EXOC6B: variants seen among roughly 807,000 people sequenced by gnomAD.
EXOC6B encodes SEC15 homolog B.
A neutral mutation model predicts 113.5 loss-of-function variants in EXOC6B; 54 were observed. The observed-to-expected ratio is 0.48, with a 90% CI of 0.38 to 0.60. The LOEUF (loss-of-function observed/expected upper bound fraction) is 0.60, where lower values mean the gene tolerates loss of function less well. Among genes scored for constraint, EXOC6B ranks in the 20% least tolerant of loss-of-function variants. The pLI, the probability that EXOC6B is intolerant of heterozygous loss-of-function variation, is 0.00. For synonymous variants in EXOC6B, 357 were observed against 339.0 expected, an observed-to-expected ratio of 1.05 and a Z score of -0.58; for missense variants, 797 against 977.5, an observed-to-expected ratio of 0.82 and a Z score of 2.46.
intron 20 of EXOC6B, among the ~76,000 whole-genome samples, chr2:72,204,120 A>G (rs1679677265): frequency 6.6e-6 from 1 of 152,022 alleles, no homozygotes; most frequent in African/African-American, 2.4e-5. Flanking sequence ...CTCCCCTTTC[A>G]GCCTGTGAGC....
chr2:72,576,666 G>A (rs1356276998), intron 6 of EXOC6B, among the ~76,000 whole-genome samples: 1 of 152,074 alleles, frequency 6.6e-6, no homozygotes, highest in African/African-American at 2.4e-5. Context: ...AGGAAATACT[G>A]CGTCCCATGA....
intron 20 of EXOC6B, among the ~76,000 whole-genome samples, chr2:72,185,336 A>C (rs1264857372): frequency 6.6e-6 from 1 of 152,238 alleles, no homozygotes; most frequent in Admixed American, 6.5e-5. Flanking sequence ...ACCTTCCTCC[A>C]TGTCTGTCTT....
At chr2:72,213,967 G>A (rs62147579) in intron 20 of EXOC6B, among the ~76,000 whole-genome samples, 59,955 of 151,956 alleles carry the variant, frequency 0.39, 14,369 homozygotes, top group African/African-American at 0.67. Flanking sequence ...AAAACAACGG[G>A]AAATTGGTTT....
rs548820390 is a variant in EXOC6B, at chr2:72,319,955, G to T, written c.2196+14992C>A. 1.8e-3 allele frequency among the ~76,000 whole-genome samples: 277 copies of T among 151,978 alleles called. 6 individuals carry two copies. Among genetic ancestry groups the T allele is most frequent in the East Asian group, 6.4e-3 (33 of 5,160 alleles). ...GGTTCCAGCGATTTCCCCTGCCTCA[G>T]CCTCCTGAGTAGCTGGGACAACAGG... On this transcript the variant is annotated intron_variant, in intron 20 of 21. Transcript: ENST00000272427.
chr2:72,422,186 G>A lies in EXOC6B; in HGVS notation c.1981-42316C>T, dbSNP rs559380902. ...CTGCTCCAGGGTGCCCAGTCCCATC[G>A]ACCACCCAAGGGCTGAGGAATGCAA... On this transcript the variant is annotated intron_variant, in intron 18 of 21. Coordinates refer to ENST00000272427, the MANE Select transcript of EXOC6B (RefSeq NM_015189.3). Among the ~76,000 whole-genome samples, 33 of 152,292 alleles carry A rather than the reference G, an allele frequency of 2.2e-4. No individual in the cohort carries two copies. The South Asian group carries it at 4.1e-3, about 19-fold the overall frequency.
chr2:72,256,032 C>T (rs897458322), intron 20 of EXOC6B, among the ~76,000 whole-genome samples: 1 of 152,188 alleles, frequency 6.6e-6, no homozygotes, highest in East Asian at 1.9e-4. Flanking sequence ...TGAGACCATT[C>T]TGGATCAACT....
chr2:72,475,294 G>A (rs1698669117), intron 17 of EXOC6B, among the ~76,000 whole-genome samples: 1 of 152,136 alleles, frequency 6.6e-6, no homozygotes, highest in African/African-American at 2.4e-5. Flanking sequence ...GAACCCCTGG[G>A]GCAGCCAGCT....
chr2:72,272,459 G>T (rs563510581), intron 20 of EXOC6B, among the ~76,000 whole-genome samples: 1 of 152,114 alleles, frequency 6.6e-6, no homozygotes, highest in African/African-American at 2.4e-5. Flanking sequence ...TAAGCAAAGG[G>T]GACTATCTGT....
At chr2:72,293,219 C>T (rs1685918487) in intron 20 of EXOC6B, among the ~76,000 whole-genome samples, 2 of 152,066 alleles carry the variant, frequency 1.3e-5, no homozygotes, top group South Asian at 4.2e-4. Flanking sequence ...AATTGCTGTT[C>T]ATTGAGGCAC....
rs1357276714 is a variant in EXOC6B, at chr2:72,718,268, A to G, written c.504T>C (p.His168=). ...PALKTLEHLE[H]TYLPQVSHYR... ...AGTGGCTTACTTGAGGCAGGTAGGTATGCTCTAGATGTTCCAGAGTTTTCA... is the reference window on the plus strand; with the variant it reads ...AGTGGCTTACTTGAGGCAGGTAGGTGTGCTCTAGATGTTCCAGAGTTTTCA... Residue 168 remains histidine (H), a synonymous_variant, in exon 6 of 22, where the codon CAT becomes CAC. Transcript: ENST00000272427. 2 of 1,613,688 alleles carry G rather than the reference A, an allele frequency of 1.2e-6. No homozygotes were observed. The highest frequency in any genetic ancestry group is 2.7e-5 in the African/African-American group (2 of 74,920).
chr2:72,280,124 C>T, intron 20 of EXOC6B, among the ~76,000 whole-genome samples: 1 of 152,202 alleles, frequency 6.6e-6, no homozygotes, highest in East Asian at 1.9e-4. Context: ...GTCATTACAA[C>T]TTCTGGTCTT....
intron 1 of EXOC6B, among the ~76,000 whole-genome samples, chr2:72,806,749 T>C (rs1029068004): frequency 2.0e-5 from 3 of 152,196 alleles, no homozygotes; most frequent in East Asian, 1.9e-4. Flanking sequence ...ATGGTTGTCA[T>C]TGTGGTTTTG....
At chr2:72,585,663 T>G (rs916856733) in intron 6 of EXOC6B, among the ~76,000 whole-genome samples, 3 of 151,496 alleles carry the variant, frequency 2.0e-5, no homozygotes, top group African/African-American at 4.9e-5. Flanking sequence ...GGGCCTAGTA[T>G]GAACACCACT....
At chr2:72,589,880 G>A (rs1418987003) in intron 6 of EXOC6B, among the ~76,000 whole-genome samples, 2 of 151,842 alleles carry the variant, frequency 1.3e-5, no homozygotes, top group African/African-American at 4.8e-5. Flanking sequence ...TAAACATTCT[G>A]TTTCAAATAA....
intron 6 of EXOC6B, among the ~76,000 whole-genome samples, chr2:72,595,115 G>T (rs1185286451): frequency 1.3e-5 from 2 of 151,820 alleles, no homozygotes; most frequent in Admixed American, 6.6e-5. Flanking sequence ...ACAAAAATTA[G>T]CCAGGCGTGG....
At chr2:72,411,179 T>TGG (rs1187671082) in intron 18 of EXOC6B, among the ~76,000 whole-genome samples, 1 of 152,092 alleles carries the variant, frequency 6.6e-6, no homozygotes, top group South Asian at 2.1e-4. Flanking sequence ...GCCACTGCAC[T>TGG]CCAGCCTGGG....
chr2:72,622,220 CTGA>C (rs1215791086), intron 6 of EXOC6B, among the ~76,000 whole-genome samples: 1 of 149,642 alleles, frequency 6.7e-6, no homozygotes, highest in Non-Finnish European at 1.5e-5. Flanking sequence ...TTTTAAAAAA[CTGA>C]TGAAGTACAA....
intron 6 of EXOC6B, among the ~76,000 whole-genome samples, chr2:72,689,722 G>A (rs574445668): frequency 7.9e-5 from 12 of 152,170 alleles, no homozygotes; most frequent in African/African-American, 1.9e-4. Context: ...TGATCACCAC[G>A]TCCCAGTTTA....
At chr2:72,809,313 A>C (rs1287927248) in intron 1 of EXOC6B, among the ~76,000 whole-genome samples, 1 of 152,224 alleles carries the variant, frequency 6.6e-6, no homozygotes, top group Non-Finnish European at 1.5e-5. Context: ...AAACAATACA[A>C]GTATATGCTG....
Sources: allele counts gnomAD v4.1 joint callset (sites outside exome capture counted in the v4.1 genomes callset), GRCh38; gene constraint gnomAD v4.1.1; transcripts MANE v1.5; gene names NCBI Gene and HGNC (gene_info 2026-07-23, HGNC 2026-07-21).